The following FAM117B variants were observed in gnomAD, a reference collection of about 807,000 sequenced individuals.
FAM117B encodes the protein protein FAM117B.
FAM117B carries 22 observed loss-of-function variants against 52.8 expected under a neutral mutation model. The ratio of observed to expected loss-of-function variants is 0.42; its 90% CI spans 0.30 to 0.59. The LOEUF is 0.59. Ranked by LOEUF, FAM117B falls within the 20% of genes least tolerant of loss-of-function variation. The probability of loss-of-function intolerance (pLI) is 0.22; values close to 1 mark genes in which losing one functional copy is unlikely to be tolerated. For synonymous variants in FAM117B, 309 were observed against 324.1 expected, an observed-to-expected ratio of 0.95 and a Z score of 0.50; for missense variants, 678 against 802.6, an observed-to-expected ratio of 0.84 and a Z score of 1.88.
intron 1 of FAM117B, among the ~76,000 whole-genome samples, chr2:202,640,717 C>T (rs1689758622): frequency 6.6e-6 from 1 of 151,518 alleles, no homozygotes; most frequent in African/African-American, 2.4e-5. Context: ...TCGGGTAATT[C>T]TCCCGCCTTA....
chr2:202,639,954 T>C (rs988581388), intron 1 of FAM117B, among the ~76,000 whole-genome samples: 15 of 151,816 alleles, frequency 9.9e-5, no homozygotes, highest in African/African-American at 2.2e-4. Context: ...TGTATCAGAA[T>C]TACTTAGGGT....
intron 1 of FAM117B, among the ~76,000 whole-genome samples, chr2:202,668,647 T>TA (rs1055221993): frequency 3.4e-5 from 5 of 146,872 alleles, no homozygotes; most frequent in South Asian, 2.2e-4. Flanking sequence ...AATAAATAAA[T>TA]AAATAAAATA....
At chr2:202,690,705 G>C in intron 1 of FAM117B, among the ~76,000 whole-genome samples, 1 of 152,316 alleles carries the variant, frequency 6.6e-6, no homozygotes, top group East Asian at 1.9e-4. Flanking sequence ...TTAGTGTAGG[G>C]ATCAAGGCAG....
intron 4 of FAM117B, among the ~76,000 whole-genome samples, chr2:202,744,976 C>CAAAA (rs58898446): frequency 3.4e-5 from 2 of 59,282 alleles, no homozygotes; most frequent in Non-Finnish European, 5.9e-5. Context: ...GACTCTGTCT[C>CAAAA]AAAAAAAAAA....
At chr2:202,680,707 C>T (rs1690449549) in intron 1 of FAM117B, among the ~76,000 whole-genome samples, 2 of 152,098 alleles carry the variant, frequency 1.3e-5, no homozygotes, top group Non-Finnish European at 1.5e-5. Flanking sequence ...TGTTAAAGTG[C>T]TAATAGATAA....
At chr2:202,714,161 C>A (rs1165569448) in intron 2 of FAM117B, among the ~76,000 whole-genome samples, 1 of 152,022 alleles carries the variant, frequency 6.6e-6, no homozygotes, top group Non-Finnish European at 1.5e-5. Flanking sequence ...CCACTGTGGT[C>A]AGTGAAGATG....
intron 4 of FAM117B, among the ~76,000 whole-genome samples, chr2:202,751,108 A>G (rs1691714136): frequency 1.3e-5 from 2 of 152,216 alleles, no homozygotes; most frequent in African/African-American, 2.4e-5. Context: ...TTGAAGACAT[A>G]TAGATAAGCT....
chr2:202,715,246 G>A (rs1417083370), intron 2 of FAM117B, among the ~76,000 whole-genome samples: 3 of 151,468 alleles, frequency 2.0e-5, no homozygotes, highest in Non-Finnish European at 4.4e-5. Context: ...GCGGCTGGCC[G>A]GGCGGGGGCT....
chr2:202,713,438 A>C (rs1169574063), intron 2 of FAM117B, among the ~76,000 whole-genome samples: 2 of 151,892 alleles, frequency 1.3e-5, no homozygotes, highest in Non-Finnish European at 2.9e-5. Flanking sequence ...CTGGCTAAAG[A>C]TTTGTCAATT....
At chr2:202,725,053 C>A in intron 3 of FAM117B, 44 bp downstream of exon 3, 1 of 1,444,588 alleles carries the variant, frequency 6.9e-7, no homozygotes, top group South Asian at 1.2e-5. Flanking sequence ...AAATATGATC[C>A]TTTTGTTGGC....
intron 2 of FAM117B, among the ~76,000 whole-genome samples, chr2:202,717,018 G>T (rs1054396200): frequency 6.6e-6 from 1 of 152,122 alleles, no homozygotes; most frequent in Non-Finnish European, 1.5e-5. Flanking sequence ...TTGGTCTCCG[G>T]TTCATTTGGT....
At chr2:202,642,849 A>G (rs1689791722) in intron 1 of FAM117B, among the ~76,000 whole-genome samples, 1 of 152,218 alleles carries the variant, frequency 6.6e-6, no homozygotes, top group African/African-American at 2.4e-5. Flanking sequence ...TCTGGGAGGA[A>G]ACAAGCATTT....
At chr2:202,707,244 C>T (rs991183941) in intron 2 of FAM117B, among the ~76,000 whole-genome samples, 5 of 151,034 alleles carry the variant, frequency 3.3e-5, no homozygotes, top group Non-Finnish European at 7.4e-5. Context: ...AGATGCGGGC[C>T]TTACTATGTT....
intron 1 of FAM117B, among the ~76,000 whole-genome samples, chr2:202,644,707 A>T (rs79180517): frequency 1.1e-4 from 16 of 152,324 alleles, no homozygotes; most frequent in Non-Finnish European, 2.2e-4. Flanking sequence ...CTGGGTATAG[A>T]ATTAGAATTG....
chr2:202,758,817 C>G (rs1691840637), intron 6 of FAM117B, among the ~76,000 whole-genome samples: 1 of 152,194 alleles, frequency 6.6e-6, no homozygotes, highest in Non-Finnish European at 1.5e-5. Context: ...CTCTCACTAC[C>G]TGGAGCAAAG....
chr2:202,755,033 C>T (rs1490456270), intron 4 of FAM117B, among the ~76,000 whole-genome samples: 2 of 151,568 alleles, frequency 1.3e-5, no homozygotes. Flanking sequence ...AGACACAGGT[C>T]ACATGGCCAA....
chr2:202,725,058 G>T, intron 3 of FAM117B, 49 bp downstream of exon 3: 2 of 1,434,654 alleles, frequency 1.4e-6, no homozygotes, highest in East Asian at 2.3e-5. Context: ...TGATCCTTTT[G>T]TTGGCTATTT....
chr2:202,759,462 T>A, intron 7 of FAM117B, 109 bp downstream of exon 7: 1 of 1,404,764 alleles, frequency 7.1e-7, no homozygotes, highest in Non-Finnish European at 9.5e-7. Flanking sequence ...CAGTCACAGG[T>A]CACACTGCAA....
chr2:202,649,836 AACC>A, intron 1 of FAM117B, among the ~76,000 whole-genome samples: 1 of 152,126 alleles, frequency 6.6e-6, no homozygotes, highest in Non-Finnish European at 1.5e-5. Flanking sequence ...TACAAGCGTG[AACC>A]ACCGTGCTCG....
Sources: gnomAD v4.1 joint callset for allele counts (sites outside exome capture counted in the v4.1 genomes callset) on GRCh38, gnomAD v4.1.1 for gene constraint, MANE v1.5 for transcripts, NCBI Gene and HGNC (gene_info 2026-07-23, HGNC 2026-07-21) for gene names.